Variants in HNRNPM observed in about 807,000 individuals in gnomAD.
HNRNPM encodes the protein CEA receptor.
Under a neutral mutation model 73.1 loss-of-function variants are expected in HNRNPM, and 11 were observed. The ratio of observed to expected loss-of-function variants is 0.15; its 90% CI spans 0.09 to 0.25. The LOEUF (loss-of-function observed/expected upper bound fraction) is 0.25, where lower values mean the gene tolerates loss of function less well. Among genes scored for constraint, HNRNPM ranks in the 10% least tolerant of loss-of-function variants. The pLI, the probability that HNRNPM is intolerant of heterozygous loss-of-function variation, is 1.00. For missense variants in HNRNPM, 789 were observed against 1,067.9 expected, an observed-to-expected ratio of 0.74 and a Z score of 3.64; for synonymous variants, 407 against 355.2, an observed-to-expected ratio of 1.15 and a Z score of -1.64.
rs777302903 is a variant in HNRNPM, at chr19:8,473,711, A to G, written c.1042+3A>G. 2.0e-6 allele frequency: 3 copies of G among 1,527,086 alleles called. No homozygotes were observed. Among genetic ancestry groups the G allele is most frequent in the Non-Finnish European group, 1.8e-6 (2 of 1,102,912 alleles). 94.6% of individuals were successfully genotyped at this position (1,527,086 alleles called of 1,614,324 possible). ...ATTTGGAATAAATAAAATGGGAGGT[A>G]AGAAATTTAAAATGAAGTACAAGCA... On this transcript the variant is annotated splice_donor_region_variant and intron_variant, in intron 11 of 15. Coordinates refer to ENST00000325495, the MANE Select transcript of HNRNPM (RefSeq NM_005968.5).
At chr19:8,447,900 C>T (rs1968320614) in intron 1 of HNRNPM, among the ~76,000 whole-genome samples, 1 of 152,148 alleles carries the variant, frequency 6.6e-6, no homozygotes, top group Non-Finnish European at 1.5e-5. Flanking sequence ...GTGCCGGGCT[C>T]CTGTAGTCTC....
Position 8,455,661 on chromosome 19 carries a change from A to G in HNRNPM, c.283+87A>G, listed in dbSNP as rs374040094. 81 of 1,080,200 alleles carry G rather than the reference A, an allele frequency of 7.5e-5. No individual in the cohort carries two copies. The East Asian group carries it at 1.6e-3, about 22-fold the overall frequency. 66.9% of individuals were successfully genotyped at this position (1,080,200 alleles called of 1,614,324 possible). On this transcript the variant is annotated intron_variant, in intron 2 of 15. Coordinates refer to ENST00000325495, the MANE Select transcript of HNRNPM (RefSeq NM_005968.5). ...TTCCTTGGTTATTTTTGGTCAGTGGAAGCGGCTCTGGGTAGAGCATGTTCT... is the reference window on the plus strand; with the variant it reads ...TTCCTTGGTTATTTTTGGTCAGTGGGAGCGGCTCTGGGTAGAGCATGTTCT...
At chr19:8,480,206 T>G (rs1286014273) in intron 12 of HNRNPM, among the ~76,000 whole-genome samples, 1 of 149,472 alleles carries the variant, frequency 6.7e-6, no homozygotes, top group Non-Finnish European at 1.5e-5. Context: ...TGAAACCCCG[T>G]CTCTACTAAA....
chr19:8,476,162 T>A (rs1416387779), intron 12 of HNRNPM, among the ~76,000 whole-genome samples: 1 of 151,990 alleles, frequency 6.6e-6, no homozygotes, highest in African/African-American at 2.4e-5. Flanking sequence ...ATGGAGTGTG[T>A]TTTCCTAGAC....
At chr19:8,453,144 T>C (rs187861542) in intron 1 of HNRNPM, among the ~76,000 whole-genome samples, 2 of 146,368 alleles carry the variant, frequency 1.4e-5, no homozygotes, top group Admixed American at 6.8e-5. Flanking sequence ...AGTGAATACT[T>C]TTGTTTGTTT....
At chr19:8,468,748 A>T (rs1183256361) in intron 8 of HNRNPM, 26 bp from the exon 9 acceptor site, 18 of 1,598,566 alleles carry the variant, frequency 1.1e-5, no homozygotes, top group Non-Finnish European at 1.5e-5. Context: ...GGATACTGAG[A>T]TTTGTTTGTT....
At chr19:8,461,664 AATC>A (rs1032833628) in intron 2 of HNRNPM, among the ~76,000 whole-genome samples, 2 of 151,952 alleles carry the variant, frequency 1.3e-5, no homozygotes, top group African/African-American at 2.4e-5. Context: ...TGTAGATTAG[AATC>A]ATATGAGTCT....
Position 8,483,140 on chromosome 19 carries a change from TC to T in HNRNPM, c.1121-17del, listed in dbSNP as rs768525302. On this transcript the variant is annotated splice_polypyrimidine_tract_variant and intron_variant, in intron 12 of 15. Transcript: ENST00000325495. ...TAGAGGAATTTGGCTAATTTTTTTT[TC>T]TTCCTGATTTCCTTAGAAATCCTAA... 1.9e-6 allele frequency: 3 copies of T among 1,588,824 alleles called. No individual in the cohort carries two copies. The highest frequency in any genetic ancestry group is 4.5e-5 in the East Asian group (2 of 44,770).
intron 1 of HNRNPM, among the ~76,000 whole-genome samples, chr19:8,452,928 C>T (rs1968730841): frequency 6.6e-6 from 1 of 152,040 alleles, no homozygotes; most frequent in Non-Finnish European, 1.5e-5. Flanking sequence ...GCAATCTTGA[C>T]CTCCTGGACT....
At chr19:8,461,938 A>G (rs77063268) in intron 2 of HNRNPM, 3,147 of 152,750 alleles carry the variant, frequency 0.021, 51 homozygotes, top group South Asian at 0.035. Context: ...TGTTAAAAAA[A>G]AAAACTAAGA....
chr19:8,458,406 C>A (rs1308847705), intron 2 of HNRNPM, among the ~76,000 whole-genome samples: 1 of 152,204 alleles, frequency 6.6e-6, no homozygotes, highest in Non-Finnish European at 1.5e-5. Context: ...ATAAAGATTT[C>A]TGTGAGAAAA....
At chr19:8,445,862 C>T (rs1159157189) in intron 1 of HNRNPM, among the ~76,000 whole-genome samples, 1 of 152,254 alleles carries the variant, frequency 6.6e-6, no homozygotes, top group Non-Finnish European at 1.5e-5. Flanking sequence ...GGGGAGGAAT[C>T]CCCTTTTTCC....
intron 1 of HNRNPM, among the ~76,000 whole-genome samples, chr19:8,453,570 T>A (rs1249188320): frequency 1.3e-5 from 2 of 152,090 alleles, no homozygotes; most frequent in Non-Finnish European, 2.9e-5. Context: ...TCATTAATAC[T>A]GTAGTCTTGG....
At chr19:8,479,787 T>G (rs1469449620) in intron 12 of HNRNPM, among the ~76,000 whole-genome samples, 7 of 146,420 alleles carry the variant, frequency 4.8e-5, no homozygotes, top group Admixed American at 4.1e-4. Flanking sequence ...TTTTTTTTTT[T>G]TTTTTGCGAC....
At chr19:8,483,436 G>T (rs1971059263) in intron 13 of HNRNPM, among the ~76,000 whole-genome samples, 1 of 152,242 alleles carries the variant, frequency 6.6e-6, no homozygotes, top group Non-Finnish European at 1.5e-5. Context: ...CCTCAGGGAT[G>T]CTGTGGAGAG....
chr19:8,459,712 GGTCTGTGCAGGAGAGTGA>G (rs1969272948), intron 2 of HNRNPM, among the ~76,000 whole-genome samples: 1 of 152,122 alleles, frequency 6.6e-6, no homozygotes, highest in African/African-American at 2.4e-5. Flanking sequence ...TTTGGCTAAA[GGTCTGTGCAGGAGAGTGA>G]GGTCACAGTA....
At chr19:8,451,506 C>T (rs976138818) in intron 1 of HNRNPM, among the ~76,000 whole-genome samples, 1 of 150,104 alleles carries the variant, frequency 6.7e-6, no homozygotes, top group Non-Finnish European at 1.5e-5. Context: ...ACTATCACAT[C>T]ATCTAAACTT....
At chr19:8,472,125 C>G (rs1805320493) in intron 10 of HNRNPM, among the ~76,000 whole-genome samples, 1 of 143,532 alleles carries the variant, frequency 7.0e-6, no homozygotes. Flanking sequence ...GAGCTGAGAT[C>G]ACATGACTGC....
intron 11 of HNRNPM, among the ~76,000 whole-genome samples, 165 bp from the exon 12 acceptor site, chr19:8,474,002 T>C (rs140767199): frequency 0.01 from 1,536 of 152,126 alleles, 15 homozygotes; most frequent in Non-Finnish European, 0.015. Context: ...GATGGGTGAT[T>C]TTTAAACAAG....
Sources: allele counts gnomAD v4.1 joint callset (sites outside exome capture counted in the v4.1 genomes callset), GRCh38; gene constraint gnomAD v4.1.1; transcripts MANE v1.5; gene names NCBI Gene and HGNC (gene_info 2026-07-23, HGNC 2026-07-21).